NFASC: variants seen among roughly 807,000 people sequenced by gnomAD.
NFASC encodes the protein neurofascin.
In NFASC, 43 loss-of-function variants were observed where a neutral mutation model predicts 147.5. That is an observed-to-expected ratio of 0.29 (90% CI 0.23 to 0.38). The LOEUF is 0.38. NFASC is among the 10% of genes least tolerant of loss of function. The pLI, the probability that NFASC is intolerant of heterozygous loss-of-function variation, is 1.00. For missense variants in NFASC, 1,320 were observed against 1,689.0 expected, an observed-to-expected ratio of 0.78 and a Z score of 3.83; for synonymous variants, 622 against 665.5, an observed-to-expected ratio of 0.93 and a Z score of 1.01.
At chr1:204,844,040 A>G (rs1291910913) in intron 1 of NFASC, among the ~76,000 whole-genome samples, 2 of 152,044 alleles carry the variant, frequency 1.3e-5, no homozygotes. Flanking sequence ...GCCTGGCCCC[A>G]GGTTTGTTTC....
chr1:204,953,446 C>T (rs550240026), intron 5 of NFASC, among the ~76,000 whole-genome samples: 12 of 152,304 alleles, frequency 7.9e-5, no homozygotes, highest in African/African-American at 2.6e-4. Flanking sequence ...TACAGGCACC[C>T]GCCACCACAC....
chr1:204,980,986 A>G (rs1028771271), intron 20 of NFASC, among the ~76,000 whole-genome samples: 1 of 152,230 alleles, frequency 6.6e-6, no homozygotes, highest in Non-Finnish European at 1.5e-5. Flanking sequence ...TTTCCAAACC[A>G]AAACTGGAGT....
Position 204,979,087 on chromosome 1 carries a change from AC to A in NFASC, c.1978+22del. 6.5e-7 allele frequency: 1 copy of A among 1,539,948 alleles called. No individual in the cohort carries two copies. The highest frequency in any genetic ancestry group is 8.8e-7 in the Non-Finnish European group (1 of 1,137,474). On this transcript the variant is annotated intron_variant, in intron 18 of 29. Coordinates refer to ENST00000339876, the MANE Select transcript of NFASC (RefSeq NM_001005388.3). This position sits in a 1 kb window ranked among gnomAD's most constrained non-coding sequence, Gnocchi z 6.0. The stretch of plus-strand genomic sequence containing the variant: ...CATCACAGGTAGCTCAGGGCCTTGC[AC>A]CCCAAAGCTGGAAAAGAGGGACGGC...
intron 1 of NFASC, among the ~76,000 whole-genome samples, chr1:204,894,347 T>C (rs2082985890): frequency 6.6e-6 from 1 of 152,118 alleles, no homozygotes; most frequent in South Asian, 2.1e-4. Flanking sequence ...AAGATGGGAA[T>C]GGCTGTTGGG....
At chr1:205,014,782 G>A (rs2096317619) in intron 29 of NFASC, among the ~76,000 whole-genome samples, 1 of 152,176 alleles carries the variant, frequency 6.6e-6, no homozygotes, top group African/African-American at 2.4e-5. Context: ...AACAGAGGAG[G>A]AATTCCCACA....
At chr1:204,953,480 G>T (rs2094250131) in intron 5 of NFASC, among the ~76,000 whole-genome samples, 1 of 152,076 alleles carries the variant, frequency 6.6e-6, no homozygotes, top group African/African-American at 2.4e-5. Flanking sequence ...TGTATTTTTA[G>T]TAGGACGGGG....
At chr1:204,967,357 CG>C (rs2095015871) in intron 8 of NFASC, among the ~76,000 whole-genome samples, 1 of 152,062 alleles carries the variant, frequency 6.6e-6, no homozygotes, top group Non-Finnish European at 1.5e-5. Context: ...AGGTGAGGCT[CG>C]GGGAAGGTGG....
In NFASC at chr1:204,988,799, G is replaced by A. The variant is rs770211494; in HGVS notation, c.2760G>A (p.Pro920=). 35 of 1,613,916 alleles carry A rather than the reference G, an allele frequency of 2.2e-5. No homozygotes were observed. Among genetic ancestry groups the A allele is most frequent in the East Asian group, 8.9e-5 (4 of 44,878 alleles). The change falls in exon 23 of 30, where the codon CCG becomes CCA. Residue 920 remains proline (P), a synonymous_variant. Transcript: ENST00000339876. ...TCACAGAGGAGTCACCAGCACCCCC[G>A]AATGAAGGTAGGTGCATGGCAGCAG... ...EAVTEESPAP[P]NEATPTAAPP... is the part of the protein sequence containing the mutation.
intron 2 of NFASC, among the ~76,000 whole-genome samples, chr1:204,936,665 G>A (rs2092871856): frequency 6.6e-6 from 1 of 152,208 alleles, no homozygotes; most frequent in Non-Finnish European, 1.5e-5. Context: ...CTCAGAGGCT[G>A]TGGAGCCTCC....
intron 2 of NFASC, among the ~76,000 whole-genome samples, chr1:204,931,321 C>T (rs2092345460): frequency 6.6e-6 from 1 of 152,152 alleles, no homozygotes; most frequent in Admixed American, 6.5e-5. Flanking sequence ...ATTTTGTATA[C>T]TTCTATTTCC....
rs2095095110 is a variant in NFASC, at chr1:204,968,790, T to C, written c.819-8T>C. Reference sequence around the variant, plus strand: ...GATAACTTGTTTCCTGCTTGGCGCCTCTCCTAGCCCAACACCAGACATCGC... The same window carrying C: ...GATAACTTGTTTCCTGCTTGGCGCCCCTCCTAGCCCAACACCAGACATCGC... On this transcript the variant is annotated splice_region_variant and splice_polypyrimidine_tract_variant and intron_variant, in intron 9 of 29. Coordinates refer to ENST00000339876, the MANE Select transcript of NFASC (RefSeq NM_001005388.3). This position sits in a 1 kb window ranked among gnomAD's most constrained non-coding sequence, Gnocchi z 5.4. 3.1e-6 allele frequency: 5 copies of C among 1,608,860 alleles called. No homozygotes were observed. Among genetic ancestry groups the C allele is most frequent in the Non-Finnish European group, 4.2e-6 (5 of 1,177,318 alleles).
At chr1:204,981,021 C>T (rs1300195803) in intron 20 of NFASC, among the ~76,000 whole-genome samples, 1 of 152,240 alleles carries the variant, frequency 6.6e-6, no homozygotes, top group African/African-American at 2.4e-5. Context: ...TGACTTTTTT[C>T]CCAAACCACT....
intron 24 of NFASC, among the ~76,000 whole-genome samples, chr1:204,995,354 A>ATG (rs2095825528): frequency 1.0e-5 from 1 of 96,930 alleles, no homozygotes; most frequent in African/African-American, 3.9e-5. Flanking sequence ...GTGTGTGTGT[A>ATG]TGTGTGTCGG....
At chr1:204,996,814 T>C (rs2095854117) in intron 24 of NFASC, among the ~76,000 whole-genome samples, 1 of 152,126 alleles carries the variant, frequency 6.6e-6, no homozygotes, top group Non-Finnish European at 1.5e-5. Context: ...CTGGGTGGCA[T>C]CTGGCCAGTG....
intron 1 of NFASC, among the ~76,000 whole-genome samples, chr1:204,869,186 G>A (rs557106604): frequency 4.6e-5 from 7 of 152,306 alleles, no homozygotes; most frequent in African/African-American, 1.7e-4. Context: ...TTGAAGCTCA[G>A]TATGAGCCAA....
chr1:204,885,315 G>A (rs1312268910), intron 1 of NFASC, among the ~76,000 whole-genome samples: 1 of 152,088 alleles, frequency 6.6e-6, no homozygotes, highest in Non-Finnish European at 1.5e-5. Context: ...TTCCAGCCGT[G>A]GGCCAGCAGA....
At chr1:204,839,921 T>C (rs904117945) in intron 1 of NFASC, among the ~76,000 whole-genome samples, 4 of 152,124 alleles carry the variant, frequency 2.6e-5, no homozygotes, top group Admixed American at 2.6e-4. Context: ...CTCCCCATGA[T>C]CACCCAGGCC....
At chr1:204,923,289 T>C (rs2090871193) in intron 2 of NFASC, among the ~76,000 whole-genome samples, 1 of 152,094 alleles carries the variant, frequency 6.6e-6, no homozygotes. Context: ...GCCACTGCCA[T>C]ATGGAGCTGC....
intron 1 of NFASC, among the ~76,000 whole-genome samples, chr1:204,860,676 A>G (rs545541071): frequency 1.3e-5 from 2 of 152,352 alleles, no homozygotes; most frequent in African/African-American, 2.4e-5. Context: ...CACCACCACT[A>G]TCTAATTCCT....
Sources: gnomAD v4.1 joint callset for allele counts (sites outside exome capture counted in the v4.1 genomes callset) on GRCh38, gnomAD v4.1.1 for gene constraint, Gnocchi (gnomAD v3.1) non-coding constraint, MANE v1.5 for transcripts, NCBI Gene and HGNC (gene_info 2026-07-23, HGNC 2026-07-21) for gene names.